SWAP70: variants seen among roughly 807,000 people sequenced by gnomAD.
SWAP70 encodes switching B cell complex subunit SWAP70, also known as switch-associated protein 70.
A neutral mutation model predicts 80.2 loss-of-function variants in SWAP70; 34 were observed. That is an observed-to-expected ratio of 0.42 (90% CI 0.32 to 0.56). SWAP70 has a LOEUF of 0.56. Ranked by LOEUF, SWAP70 falls within the 20% of genes least tolerant of loss-of-function variation. The probability of loss-of-function intolerance (pLI) is 0.09; values close to 1 mark genes in which losing one functional copy is unlikely to be tolerated. For missense variants in SWAP70, 578 were observed against 690.7 expected (o/e 0.84, Z 1.83); for synonymous variants, 239 against 238.5 (o/e 1.00, Z -0.02).
At chr11:9,667,095 G>A (rs1850316537) in intron 1 of SWAP70, among the ~76,000 whole-genome samples, 1 of 151,954 alleles carries the variant, frequency 6.6e-6, no homozygotes, top group African/African-American at 2.4e-5. Context: ...GAACTCCTGA[G>A]CTCAGGCAAT....
intron 2 of SWAP70, among the ~76,000 whole-genome samples, chr11:9,704,952 C>T (rs1317555089): frequency 6.6e-6 from 1 of 152,250 alleles, no homozygotes; most frequent in Non-Finnish European, 1.5e-5. Flanking sequence ...CATTGCTACA[C>T]TTCATACAAA....
At position 9,750,933 on chromosome 11, in the gene SWAP70, C is replaced by T. The variant is rs1246625763; in HGVS notation, c.*963C>T. The T allele has an allele frequency of 6.6e-6, 1 of 152,202 alleles. No individual in the cohort carries two copies. Among genetic ancestry groups the T allele is most frequent in the Non-Finnish European group, 1.5e-5 (1 of 68,040 alleles). 9.4% of individuals were successfully genotyped at this position (152,202 alleles called of 1,614,324 possible). ...GGCATGTTTCATTCCCATCTCCTTTCCCCTCACCTTAAAGGAGACTACCCC... is the reference window on the plus strand; with the variant it reads ...GGCATGTTTCATTCCCATCTCCTTTTCCCTCACCTTAAAGGAGACTACCCC... On this transcript the variant is annotated 3_prime_UTR_variant, in exon 12 of 12. Coordinates refer to ENST00000318950, the MANE Select transcript of SWAP70 (RefSeq NM_015055.4).
chr11:9,669,743 A>G (rs1850351537), intron 1 of SWAP70, among the ~76,000 whole-genome samples: 2 of 152,180 alleles, frequency 1.3e-5, no homozygotes, highest in Non-Finnish European at 2.9e-5. Context: ...GGGTTAATGC[A>G]TAGAAAGCTT....
chr11:9,683,352 C>T (rs757588916), intron 1 of SWAP70, among the ~76,000 whole-genome samples: 2 of 151,618 alleles, frequency 1.3e-5, no homozygotes, highest in Admixed American at 6.6e-5. Context: ...GGAGGTCGAG[C>T]CTGTGGTGAG....
intron 1 of SWAP70, among the ~76,000 whole-genome samples, chr11:9,690,607 C>T (rs1261447601): frequency 6.6e-6 from 1 of 151,838 alleles, no homozygotes; most frequent in African/African-American, 2.4e-5. Context: ...CTTGTTGAGA[C>T]TGGGCATGGT....
intron 1 of SWAP70, among the ~76,000 whole-genome samples, chr11:9,692,505 A>T (rs360053): frequency 0.11 from 16,475 of 151,880 alleles, 1,726 homozygotes; most frequent in African/African-American, 0.27. Context: ...ATATCCGTAC[A>T]TAGCAAGCTT....
chr11:9,676,273 G>C (rs1275902677), intron 1 of SWAP70, among the ~76,000 whole-genome samples: 2 of 152,196 alleles, frequency 1.3e-5, no homozygotes, highest in African/African-American at 4.8e-5. Flanking sequence ...TTTCTTTATA[G>C]GAAGGTGCTA....
chr11:9,721,557 A>G (rs1851138069), intron 3 of SWAP70, among the ~76,000 whole-genome samples: 1 of 151,190 alleles, frequency 6.6e-6, no homozygotes, highest in Non-Finnish European at 1.5e-5. Context: ...CTGTAACCTC[A>G]AACTCCTTGG....
chr11:9,671,588 A>C (rs369646394), intron 1 of SWAP70, among the ~76,000 whole-genome samples: 2 of 43,928 alleles, frequency 4.6e-5, no homozygotes, highest in Non-Finnish European at 1.1e-4. Flanking sequence ...ATATATTTCT[A>C]TATATAAATA....
In SWAP70 at chr11:9,712,845, C is replaced by T. The variant is rs144692965; in HGVS notation, c.241-621C>T. ...CCTCCGCCTCCCGGGTTCAGGCATG[C>T]GCCACCACGCCCGGCTAATTTTTGT... On this transcript the variant is annotated intron_variant, in intron 2 of 11. Coordinates refer to ENST00000318950, the MANE Select transcript of SWAP70 (RefSeq NM_015055.4). Among the ~76,000 whole-genome samples the T allele has an allele frequency of 2.2e-3, 338 of 151,490 alleles. 3 individuals carry two copies. Among genetic ancestry groups the T allele is most frequent in the African/African-American group, 7.8e-3 (321 of 41,274 alleles).
At chr11:9,682,086 G>A (rs1390557849) in intron 1 of SWAP70, among the ~76,000 whole-genome samples, 7 of 152,192 alleles carry the variant, frequency 4.6e-5, no homozygotes, top group Non-Finnish European at 8.8e-5. Context: ...GTAGCTTGAT[G>A]TGTTTACCAT....
At chr11:9,666,025 GC>G (rs1044842282) in intron 1 of SWAP70, among the ~76,000 whole-genome samples, 1 of 143,220 alleles carries the variant, frequency 7.0e-6, no homozygotes, top group Non-Finnish European at 1.5e-5. Flanking sequence ...TTTGGTTTCT[GC>G]TTTTTTTTTT....
chr11:9,666,089 G>GT lies in SWAP70; in HGVS notation c.99+1823dup, dbSNP rs1392291288. The stretch of plus-strand genomic sequence containing the variant: ...TTATTTGAATATGCTTTAGTTTTTT[G>GT]TTTTTTTTTTTTCTGAGACACAGTC... On this transcript the variant is annotated intron_variant, in intron 1 of 11. Transcript: ENST00000318950. Among the ~76,000 whole-genome samples, 1,158 of 126,072 alleles carry GT rather than the reference G, an allele frequency of 9.2e-3. 14 individuals carry two copies. The highest frequency in any genetic ancestry group is 0.025 in the African/African-American group (866 of 34,526). 82.7% of individuals were successfully genotyped at this position (126,072 alleles called of 152,430 possible).
At chr11:9,749,747 T>C (rs897969362) in intron 11 of SWAP70, 117 bp from the exon 12 acceptor site, 1 of 644,490 alleles carries the variant, frequency 1.6e-6, no homozygotes, top group Non-Finnish European at 2.7e-6. Flanking sequence ...ATGACATTTA[T>C]GCATGTTCCT....
chr11:9,725,530 A>T (rs866394382), intron 4 of SWAP70, among the ~76,000 whole-genome samples: 6 of 60,580 alleles, frequency 9.9e-5, no homozygotes, highest in Non-Finnish European at 1.4e-4. Context: ...AAAAATACAA[A>T]ATATATATAT....
At chr11:9,729,524 A>G (rs1277536997) in intron 6 of SWAP70, 73 bp downstream of exon 6, 4 of 1,161,216 alleles carry the variant, frequency 3.4e-6, no homozygotes, top group Non-Finnish European at 5.0e-6. Context: ...TCTGAGACGG[A>G]GTCTTGCTCT....
At chr11:9,708,275 C>T (rs1331284181) in intron 2 of SWAP70, among the ~76,000 whole-genome samples, 3 of 152,118 alleles carry the variant, frequency 2.0e-5, no homozygotes, top group Non-Finnish European at 2.9e-5. Flanking sequence ...TGCAAGGGTT[C>T]GAATTTCTCC....
intron 3 of SWAP70, among the ~76,000 whole-genome samples, chr11:9,722,613 G>A (rs900649791): frequency 6.6e-6 from 1 of 152,168 alleles, no homozygotes; most frequent in African/African-American, 2.4e-5. Flanking sequence ...GTTTTGAGTA[G>A]GAATATTCTA....
intron 6 of SWAP70, among the ~76,000 whole-genome samples, chr11:9,730,924 C>CG (rs1564831558): frequency 6.6e-6 from 1 of 152,192 alleles, no homozygotes; most frequent in Admixed American, 6.5e-5. Flanking sequence ...CAACCTCTTC[C>CG]CCCGTCTCTA....
Sources: gnomAD v4.1 joint callset for allele counts (sites outside exome capture counted in the v4.1 genomes callset) on GRCh38, gnomAD v4.1.1 for gene constraint, MANE v1.5 for transcripts, NCBI Gene and HGNC (gene_info 2026-07-23, HGNC 2026-07-21) for gene names.